ANKS6: variants seen among roughly 807,000 people sequenced by gnomAD.
ANKS6 encodes ankyrin repeat and SAM domain-containing protein 6.
ANKS6 carries 47 observed loss-of-function variants against 77.9 expected under a neutral mutation model. The observed-to-expected ratio is 0.60, with a 90% CI of 0.48 to 0.77. ANKS6 has a LOEUF of 0.77. Among genes scored for constraint, ANKS6 ranks in the 30% least tolerant of loss-of-function variants. The pLI, the probability that ANKS6 is intolerant of heterozygous loss-of-function variation, is 0.00. For missense variants in ANKS6, 1,150 were observed against 1,159.1 expected, an observed-to-expected ratio of 0.99 and a Z score of 0.11; for synonymous variants, 488 against 501.7, an observed-to-expected ratio of 0.97 and a Z score of 0.37.
At chr9:98,744,639 A>G (rs1832021737) in intron 14 of ANKS6, among the ~76,000 whole-genome samples, 1 of 152,218 alleles carries the variant, frequency 6.6e-6, no homozygotes, top group African/African-American at 2.4e-5. Context: ...TACAGAAACA[A>G]CCATAAAAGT....
intron 2 of ANKS6, 115 bp downstream of exon 2, chr9:98,789,989 C>T: frequency 1.4e-6 from 2 of 1,410,834 alleles, no homozygotes; most frequent in Non-Finnish European, 1.9e-6. Context: ...TCTCAGTGGT[C>T]TGCAGGGCTG....
At chr9:98,746,003 A>G in intron 13 of ANKS6, 1 of 331,482 alleles carries the variant, frequency 3.0e-6, no homozygotes, top group Non-Finnish European at 5.7e-6. Context: ...AGGTAACTGC[A>G]ATGTTGCTGT....
At chr9:98,750,990 A>T in intron 13 of ANKS6, 39 bp downstream of exon 13, 2 of 1,546,830 alleles carry the variant, frequency 1.3e-6, no homozygotes, top group South Asian at 2.3e-5. Context: ...TTTCTTTCAT[A>T]GTAAGATTTA....
At chr9:98,785,962 G>C (rs2118142205) in intron 2 of ANKS6, among the ~76,000 whole-genome samples, 1 of 152,278 alleles carries the variant, frequency 6.6e-6, no homozygotes, top group East Asian at 1.9e-4. Flanking sequence ...ACTTTCTTTA[G>C]CAACCAGCAA....
intron 6 of ANKS6, among the ~76,000 whole-genome samples, chr9:98,779,968 A>G (rs1019556505): frequency 6.6e-6 from 1 of 152,094 alleles, no homozygotes; most frequent in Admixed American, 6.6e-5. Context: ...GGCCGCGTGG[A>G]CCCACATTCT....
intron 2 of ANKS6, among the ~76,000 whole-genome samples, chr9:98,788,813 C>T (rs1202879947): frequency 1.3e-5 from 2 of 152,340 alleles, no homozygotes; most frequent in African/African-American, 4.8e-5. Flanking sequence ...GTGTCACTCA[C>T]TCAGCTTCCA....
At chr9:98,738,897 T>C (rs779279755) in intron 14 of ANKS6, among the ~76,000 whole-genome samples, 3 of 152,306 alleles carry the variant, frequency 2.0e-5, no homozygotes, top group African/African-American at 7.2e-5. Flanking sequence ...ATATATATGA[T>C]GGAATACTAC....
intron 11 of ANKS6, among the ~76,000 whole-genome samples, chr9:98,765,012 C>A (rs191288099): frequency 2.0e-5 from 3 of 152,142 alleles, no homozygotes; most frequent in South Asian, 2.1e-4. Flanking sequence ...TCCTACTAAG[C>A]CTTTAATGCT....
chr9:98,745,243 G>C (rs1303485371), intron 14 of ANKS6, among the ~76,000 whole-genome samples: 1 of 152,178 alleles, frequency 6.6e-6, no homozygotes, highest in Non-Finnish European at 1.5e-5. Flanking sequence ...CAGTGAATAA[G>C]TGAAGGAGCT....
chr9:98,793,212 T>C (rs1276856275), intron 1 of ANKS6, among the ~76,000 whole-genome samples: 1 of 152,180 alleles, frequency 6.6e-6, no homozygotes, highest in Admixed American at 6.5e-5. Context: ...GAGAAGTCTC[T>C]GGCAAATTTG....
At chr9:98,768,718 G>C (rs564690499) in intron 10 of ANKS6, among the ~76,000 whole-genome samples, 3 of 152,136 alleles carry the variant, frequency 2.0e-5, no homozygotes, top group Non-Finnish European at 4.4e-5. Flanking sequence ...CTACTCTCAC[G>C]ACTGAGTCAA....
At position 98,733,495 on chromosome 9, in the gene ANKS6, C is replaced by CAG; in HGVS notation, c.*3023_*3024insCT. On this transcript the variant is annotated 3_prime_UTR_variant, in exon 15 of 15. Transcript: ENST00000353234. ...CCCTGATGTCCCACTGCCAAGCAGG[C>CAG]CACCTCTGCAGAGCTGCTGGGGAGA... 1 of 985,502 alleles carries CAG rather than the reference C, an allele frequency of 1.0e-6. No individual in the cohort carries two copies. Among genetic ancestry groups the CAG allele is most frequent in the Non-Finnish European group, 1.2e-6 (1 of 829,984 alleles). 61.0% of individuals were successfully genotyped at this position (985,502 alleles called of 1,614,324 possible).
intron 14 of ANKS6, among the ~76,000 whole-genome samples, chr9:98,739,132 AG>A (rs1831670858): frequency 7.3e-6 from 1 of 137,740 alleles, no homozygotes; most frequent in Admixed American, 7.4e-5. Context: ...AAGGATGGGA[AG>A]GGGGTGAGGG....
rs563165067 is a variant in ANKS6 at position 98,734,063 on chromosome 9, C to T, written c.*2456G>A. On this transcript the variant is annotated 3_prime_UTR_variant, in exon 15 of 15. Coordinates refer to ENST00000353234, the MANE Select transcript of ANKS6 (RefSeq NM_173551.5). Reference sequence around the variant, plus strand: ...CTGACGATCTATAACCTACATGTTCCGTGCTGCCTCCACACATGCCCCCGC... The same window carrying T: ...CTGACGATCTATAACCTACATGTTCTGTGCTGCCTCCACACATGCCCCCGC... 35 of 985,292 alleles carry T rather than the reference C, an allele frequency of 3.6e-5. No individual in the cohort carries two copies. The highest frequency in any genetic ancestry group is 3.7e-5 in the Non-Finnish European group (31 of 829,962). The allele number at this position is 985,292 out of a possible 1,614,324, so 61.0% of individuals were successfully genotyped here.
In ANKS6 at chr9:98,753,561, C is replaced by T. The variant is rs1054333122; in HGVS notation, c.2327-2465G>A. Among the ~76,000 whole-genome samples the T allele has an allele frequency of 2.6e-5, 4 of 151,412 alleles. No homozygotes were observed. In the South Asian group the frequency reaches 8.3e-4, roughly 32 times the overall value. On this transcript the variant is annotated intron_variant, in intron 12 of 14. Transcript: ENST00000353234. ...CTTGAGACCAGGGAGGTTGAGGCTG[C>T]AGTGAGCTGTGATCACACCACTGTA...
At chr9:98,768,050 G>T in intron 11 of ANKS6, 31 bp downstream of exon 11, 2 of 1,579,682 alleles carry the variant, frequency 1.3e-6, no homozygotes, top group Non-Finnish European at 1.7e-6. Context: ...ATCTGTGAGT[G>T]TAACAGGAGG....
chr9:98,770,758 T>G, intron 10 of ANKS6, 138 bp downstream of exon 10: 1 of 937,024 alleles, frequency 1.1e-6, no homozygotes. Context: ...CTGAAAAATC[T>G]CTTAGCCACA....
rs1338507769 is a variant in ANKS6, at chr9:98,739,757, C to CTTTTTTTTTTTTTTT, written c.2512-3135_2512-3134insAAAAAAAAAAAAAAA. Among the ~76,000 whole-genome samples the CTTTTTTTTTTTTTTT allele has an allele frequency of 1.8e-4, 9 of 51,068 alleles. 1 individual carries two copies. The highest frequency in any genetic ancestry group is 3.1e-4 in the African/African-American group (2 of 6,494). 33.5% of individuals were successfully genotyped at this position (51,068 alleles called of 152,430 possible). On this transcript the variant is annotated intron_variant, in intron 14 of 14. Coordinates refer to ENST00000353234, the MANE Select transcript of ANKS6 (RefSeq NM_173551.5). Reference sequence around the variant, plus strand: ...CCTCAGAGGGCAGCAGTGGATTAAACATTTTTTTTTTTTTTTTGAGACGGA... The same window carrying CTTTTTTTTTTTTTTT: ...CCTCAGAGGGCAGCAGTGGATTAAACTTTTTTTTTTTTTTTATTTTTTTTTTTTTTTTGAGACGGA...
Position 98,751,019 on chromosome 9 carries a change from G to A in ANKS6, c.2394+10C>T. 1.3e-6 allele frequency: 2 copies of A among 1,596,198 alleles called. No individual in the cohort carries two copies. The highest frequency in any genetic ancestry group is 8.5e-7 in the Non-Finnish European group (1 of 1,171,096). ...AGATTTAAATTGACATTCAAAAAGA[G>A]CATTCTTACCTCTTGTTCCTCAAAA... On this transcript the variant is annotated intron_variant, in intron 13 of 14. Coordinates refer to ENST00000353234, the MANE Select transcript of ANKS6 (RefSeq NM_173551.5).
Sources: gnomAD v4.1 joint callset for allele counts (sites outside exome capture counted in the v4.1 genomes callset) on GRCh38, gnomAD v4.1.1 for gene constraint, MANE v1.5 for transcripts, NCBI Gene and HGNC (gene_info 2026-07-23, HGNC 2026-07-21) for gene names.